Variants in PPP1R13B observed in about 807,000 individuals in gnomAD.
The protein encoded by PPP1R13B is apoptosis-stimulating of p53 protein 1.
Under a neutral mutation model 119.8 loss-of-function variants are expected in PPP1R13B, and 44 were observed. The ratio of observed to expected loss-of-function variants is 0.37; its 90% CI spans 0.29 to 0.47. The LOEUF is 0.47. PPP1R13B is among the 20% of genes least tolerant of loss of function. The probability of loss-of-function intolerance (pLI) is 0.99; values close to 1 mark genes in which losing one functional copy is unlikely to be tolerated. For missense variants in PPP1R13B, 1,227 were observed against 1,413.5 expected (o/e 0.87, Z 2.12); for synonymous variants, 542 against 561.5 (o/e 0.97, Z 0.49).
rs566386675 is a variant in PPP1R13B at position 103,771,484 on chromosome 14, T to C, written c.354+7261A>G. Among the ~76,000 whole-genome samples the C allele has an allele frequency of 6.8e-5, 10 of 147,680 alleles. No homozygotes were observed. The South Asian group carries it at 2.2e-3, about 33-fold the overall frequency. ...TTAAGAACTAACACTTCTTTTTTTT[T>C]TTTTTTTTTTTTTGAGATGAAGTCT... On this transcript the variant is annotated intron_variant, in intron 4 of 16. Transcript: ENST00000202556.
At chr14:103,795,990 A>G (rs1343305921) in intron 2 of PPP1R13B, among the ~76,000 whole-genome samples, 1 of 152,162 alleles carries the variant, frequency 6.6e-6, no homozygotes, top group African/African-American at 2.4e-5. Context: ...CAAATAACCC[A>G]TTTTTAAAAT....
chr14:103,776,226 A>G (rs1326563434), intron 4 of PPP1R13B, among the ~76,000 whole-genome samples: 4 of 150,646 alleles, frequency 2.7e-5, no homozygotes, highest in South Asian at 2.1e-4. Flanking sequence ...GGAAGGAAGG[A>G]AGGAAGGAAG....
At chr14:103,765,001 G>A (rs2151996620) in intron 4 of PPP1R13B, among the ~76,000 whole-genome samples, 1 of 152,236 alleles carries the variant, frequency 6.6e-6, no homozygotes, top group South Asian at 2.1e-4. Flanking sequence ...TGTATTTTTA[G>A]TAGAGATGGG....
Position 103,843,768 on chromosome 14 carries a change from C to T in PPP1R13B, c.9+3531G>A, listed in dbSNP as rs148414724. Among the ~76,000 whole-genome samples, 883 of 151,546 alleles carry T rather than the reference C, an allele frequency of 5.8e-3. 9 individuals carry two copies. Among genetic ancestry groups the T allele is most frequent in the African/African-American group, 0.02 (836 of 41,290 alleles). On this transcript the variant is annotated intron_variant, in intron 1 of 16. Transcript: ENST00000202556. ...AAGAGATCAAGACAATCCTGGCCAA[C>T]GTGGTGAAACCCCATCTCTACTAAA...
intron 4 of PPP1R13B, among the ~76,000 whole-genome samples, chr14:103,769,748 T>C (rs2085022280): frequency 6.6e-6 from 1 of 152,228 alleles, no homozygotes; most frequent in Admixed American, 6.5e-5. Flanking sequence ...AGGTTTTACT[T>C]GCCCATTTAG....
At position 103,847,562 on chromosome 14, in the gene PPP1R13B, C is replaced by T. The variant is rs1476295865; in HGVS notation, c.-255G>A. ...TCAACCTCAGCCTCAGCCTCAGCCC[C>T]AGCCCGACAGCCTGCGGCCCGCCCG... On this transcript the variant is annotated 5_prime_UTR_variant, in exon 1 of 17. Coordinates refer to ENST00000202556, the MANE Select transcript of PPP1R13B (RefSeq NM_015316.3). The T allele has an allele frequency of 1.6e-5, 16 of 986,388 alleles. No homozygotes were observed. The highest frequency in any genetic ancestry group is 1.8e-5 in the Non-Finnish European group (15 of 830,886). 61.1% of individuals were successfully genotyped at this position (986,388 alleles called of 1,614,324 possible).
intron 11 of PPP1R13B, 60 bp downstream of exon 11, chr14:103,741,730 T>G (rs2151966033): frequency 1.3e-6 from 2 of 1,527,416 alleles, no homozygotes; most frequent in South Asian, 2.6e-5. Context: ...CATTAGTATT[T>G]TCTTAATTAA....
chr14:103,738,097 C>T lies in PPP1R13B; in HGVS notation c.2865-237G>A, dbSNP rs377521401. On this transcript the variant is annotated intron_variant, in intron 14 of 16. Coordinates refer to ENST00000202556, the MANE Select transcript of PPP1R13B (RefSeq NM_015316.3). This position sits in a 1 kb window ranked among gnomAD's most constrained non-coding sequence, Gnocchi z 5.6. ...GAAATGGCCAATCCACAGATGTTCA[C>T]GCCACACTGCATGGTGATGTGAATG... 3.2e-4 allele frequency among the ~76,000 whole-genome samples: 48 copies of T among 152,332 alleles called. 1 individual carries two copies. The highest frequency in any genetic ancestry group is 1.0e-3 in the African/African-American group (42 of 41,562).
chr14:103,847,239 G>A (rs1375721495), intron 1 of PPP1R13B, 60 bp downstream of exon 1: 2 of 1,122,760 alleles, frequency 1.8e-6, no homozygotes, highest in Admixed American at 4.7e-5. Context: ...CGGGAGGAAG[G>A]AGGTTTGGCC....
chr14:103,800,360 AT>A (rs1054186770), intron 1 of PPP1R13B, among the ~76,000 whole-genome samples: 5 of 151,596 alleles, frequency 3.3e-5, no homozygotes, highest in East Asian at 1.9e-4. Context: ...TGTTGTTAAG[AT>A]TTTTTTTTCA....
At chr14:103,826,043 A>C (rs1421204226) in intron 1 of PPP1R13B, among the ~76,000 whole-genome samples, 1 of 151,476 alleles carries the variant, frequency 6.6e-6, no homozygotes, top group Admixed American at 6.6e-5. Flanking sequence ...TATTATTTTT[A>C]ATTTTTGTAT....
chr14:103,753,706 G>A (rs556414231), intron 6 of PPP1R13B, among the ~76,000 whole-genome samples: 105 of 152,242 alleles, frequency 6.9e-4, no homozygotes, highest in Non-Finnish European at 1.1e-3. Context: ...TGGTACCAAC[G>A]TAACAAGAGG....
chr14:103,835,191 C>T (rs1351618686), intron 1 of PPP1R13B, among the ~76,000 whole-genome samples: 3 of 152,122 alleles, frequency 2.0e-5, no homozygotes, highest in South Asian at 2.1e-4. Context: ...GGCATGAAGA[C>T]GGCTCACTGC....
chr14:103,827,798 A>G (rs1480222492), intron 1 of PPP1R13B, among the ~76,000 whole-genome samples: 1 of 152,080 alleles, frequency 6.6e-6, no homozygotes, highest in Non-Finnish European at 1.5e-5. Context: ...ACATTTAATC[A>G]TGGAACTTAG....
chr14:103,836,458 C>T (rs79556714), intron 1 of PPP1R13B, among the ~76,000 whole-genome samples: 8,463 of 152,092 alleles, frequency 0.056, 257 homozygotes, highest in Middle Eastern at 0.12. Flanking sequence ...GAAAATAAGG[C>T]ACAAAGGGGT....
chr14:103,735,910 A>G lies in PPP1R13B; in HGVS notation c.3231+93T>C, dbSNP rs937383108. 1.8e-5 allele frequency: 25 copies of G among 1,396,184 alleles called. No homozygotes were observed. The East Asian group carries it at 6.1e-4, about 34-fold the overall frequency. 86.5% of individuals were successfully genotyped at this position (1,396,184 alleles called of 1,614,324 possible). Reference sequence around the variant, plus strand: ...GGGGCTGCTGAGGCTCAGAGAAGCGAAGCCTCCCTCCCCAGCCCCACAGCA... The same window carrying G: ...GGGGCTGCTGAGGCTCAGAGAAGCGGAGCCTCCCTCCCCAGCCCCACAGCA... On this transcript the variant is annotated intron_variant, in intron 16 of 16. Coordinates refer to ENST00000202556, the MANE Select transcript of PPP1R13B (RefSeq NM_015316.3).
intron 1 of PPP1R13B, among the ~76,000 whole-genome samples, chr14:103,815,031 A>C (rs1438346825): frequency 2.0e-5 from 3 of 152,236 alleles, no homozygotes. Context: ...ATAGCCAAAA[A>C]GTGGAAACAA....
At chr14:103,753,278 T>C in intron 6 of PPP1R13B, 82 bp from the exon 7 acceptor site, 5 of 1,328,870 alleles carry the variant, frequency 3.8e-6, no homozygotes, top group Non-Finnish European at 5.1e-6. Context: ...AACTTAATTC[T>C]AGTATCATTT....
chr14:103,823,832 TA>T (rs142540930), intron 1 of PPP1R13B, among the ~76,000 whole-genome samples: 13,875 of 148,036 alleles, frequency 0.094, 777 homozygotes, highest in African/African-American at 0.17. Flanking sequence ...ACATACACTT[TA>T]AAAAAAAAAG....
Sources: allele counts gnomAD v4.1 joint callset (sites outside exome capture counted in the v4.1 genomes callset), GRCh38; gene constraint gnomAD v4.1.1; non-coding constraint Gnocchi (gnomAD v3.1); transcripts MANE v1.5; gene names NCBI Gene and HGNC (gene_info 2026-07-23, HGNC 2026-07-21).